UVRAG: variants seen among roughly 807,000 people sequenced by gnomAD.
The protein encoded by UVRAG is UV radiation resistance-associated gene protein.
Under a neutral mutation model 78.0 loss-of-function variants are expected in UVRAG, and 19 were observed. That is an observed-to-expected ratio of 0.24 (90% confidence interval 0.17 to 0.36). The LOEUF is 0.36. Ranked by LOEUF, UVRAG falls within the 10% of genes least tolerant of loss-of-function variation. The probability of loss-of-function intolerance (pLI) is 1.00; values close to 1 mark genes in which losing one functional copy is unlikely to be tolerated. For missense variants in UVRAG, 740 were observed against 853.8 expected (o/e 0.87, Z 1.66); for synonymous variants, 323 against 324.6 (o/e 1.00, Z 0.05).
intron 7 of UVRAG, among the ~76,000 whole-genome samples, chr11:75,982,257 C>T (rs1177843855): frequency 6.6e-6 from 1 of 152,182 alleles, no homozygotes; most frequent in African/African-American, 2.4e-5. Flanking sequence ...AGTCCAGATT[C>T]CCTATGCAGC....
rs113248243 is a variant in UVRAG at position 76,074,988 on chromosome 11, G to A, written c.1305+9200G>A. 7.1e-3 allele frequency among the ~76,000 whole-genome samples: 1,077 copies of A among 152,226 alleles called. 17 individuals are homozygous for A. The highest frequency in any genetic ancestry group is 0.025 in the African/African-American group (1,030 of 41,522). On this transcript the variant is annotated intron_variant, in intron 13 of 14. Coordinates refer to ENST00000356136, the MANE Select transcript of UVRAG (RefSeq NM_003369.4). Reference sequence around the variant, plus strand: ...GTTCTGCCAAGGACGTGATCCTTCTGTAAATCTTTACTCCTGGGGCCCACA... The same window carrying A: ...GTTCTGCCAAGGACGTGATCCTTCTATAAATCTTTACTCCTGGGGCCCACA...
At chr11:76,018,383 T>A (rs1950184130) in intron 12 of UVRAG, among the ~76,000 whole-genome samples, 1 of 152,046 alleles carries the variant, frequency 6.6e-6, no homozygotes, top group South Asian at 2.1e-4. Context: ...GTAATCCAAT[T>A]ATTTGGTTCC....
chr11:76,141,186 C>T lies in UVRAG; in HGVS notation c.1873C>T (p.Leu625Phe), dbSNP rs754283339. 3 of 1,614,032 alleles carry T rather than the reference C, an allele frequency of 1.9e-6. No homozygotes were observed. ...GEFHPVSEAE[L>F]CCTVEQAEEI... ...GTTCCACCCAGTCTCAGAAGCTGAGCTCTGCTGTACTGTGGAGCAAGCAGA... is the reference window on the plus strand; with the variant it reads ...GTTCCACCCAGTCTCAGAAGCTGAGTTCTGCTGTACTGTGGAGCAAGCAGA... Residue 625 changes from leucine (L) to phenylalanine (F), a missense_variant, in exon 15 of 15, where the codon CTC becomes TTC. Coordinates refer to ENST00000356136, the MANE Select transcript of UVRAG (RefSeq NM_003369.4).
intron 6 of UVRAG, among the ~76,000 whole-genome samples, chr11:75,922,938 G>GA (rs540693706): frequency 2.9e-3 from 193 of 66,902 alleles, no homozygotes; most frequent in South Asian, 5.4e-3. Flanking sequence ...CATCTGAAAG[G>GA]AAAAAAAAAA....
intron 12 of UVRAG, among the ~76,000 whole-genome samples, chr11:76,032,937 A>C (rs1950462922): frequency 6.6e-6 from 1 of 152,224 alleles, no homozygotes; most frequent in South Asian, 2.1e-4. Flanking sequence ...AATTAAACTT[A>C]CCTTCAAAGA....
chr11:75,961,236 G>GGCAA lies in UVRAG; in HGVS notation c.594-206_594-203dup, dbSNP rs201260746. On this transcript the variant is annotated intron_variant, in intron 6 of 14. Coordinates refer to ENST00000356136, the MANE Select transcript of UVRAG (RefSeq NM_003369.4). ...CCTCACAGTACATCAGAGGCAGGCA[G>GGCAA]GCAAGTACAAAAAGGGTGTTTTAGA... Among the ~76,000 whole-genome samples the GGCAA allele has an allele frequency of 7.2e-3, 1,097 of 152,080 alleles. 15 individuals are homozygous for GGCAA. Among genetic ancestry groups the GGCAA allele is most frequent in the South Asian group, 8.9e-3 (43 of 4,808 alleles).
chr11:75,824,205 T>A (rs2135807969), intron 1 of UVRAG, among the ~76,000 whole-genome samples: 1 of 152,256 alleles, frequency 6.6e-6, no homozygotes, highest in African/African-American at 2.4e-5. Context: ...AAATGTAATA[T>A]ATAGTTGAGT....
chr11:75,990,659 G>C (rs566183421), intron 8 of UVRAG, among the ~76,000 whole-genome samples: 1 of 152,196 alleles, frequency 6.6e-6, no homozygotes, highest in South Asian at 2.1e-4. Flanking sequence ...ACAGGCCTTT[G>C]CCTAAATGTT....
At chr11:75,948,141 A>T (rs1175265934) in intron 6 of UVRAG, among the ~76,000 whole-genome samples, 1 of 152,300 alleles carries the variant, frequency 6.6e-6, no homozygotes, top group Non-Finnish European at 1.5e-5. Flanking sequence ...GTGCTAGTAC[A>T]TGGTGGTTTT....
chr11:75,968,951 A>G (rs1355910593), intron 7 of UVRAG, among the ~76,000 whole-genome samples: 1 of 152,224 alleles, frequency 6.6e-6, no homozygotes, highest in Non-Finnish European at 1.5e-5. Context: ...CTTTCATAAT[A>G]AACAGCCTCA....
intron 5 of UVRAG, among the ~76,000 whole-genome samples, chr11:75,890,920 TTTGTTGTTG>T (rs141077139): frequency 6.6e-6 from 1 of 150,934 alleles, no homozygotes; most frequent in East Asian, 2.0e-4. Context: ...AAGAAAGGGT[TTTGTTGTTG>T]TTGTTGTTGT....
intron 2 of UVRAG, among the ~76,000 whole-genome samples, chr11:75,859,902 A>T (rs958339669): frequency 3.3e-5 from 5 of 152,194 alleles, no homozygotes; most frequent in Admixed American, 1.3e-4. Context: ...TCTGCTGGAG[A>T]AGGCGAATTG....
At chr11:76,021,136 C>T (rs1300404805) in intron 12 of UVRAG, among the ~76,000 whole-genome samples, 5 of 152,256 alleles carry the variant, frequency 3.3e-5, no homozygotes, top group South Asian at 2.1e-4. Flanking sequence ...TCTTTCCTAC[C>T]GTCTTCAATG....
chr11:75,883,188 G>A (rs1052699597), intron 4 of UVRAG, among the ~76,000 whole-genome samples: 1 of 151,954 alleles, frequency 6.6e-6, no homozygotes, highest in Non-Finnish European at 1.5e-5. Flanking sequence ...CAGGGCTCTA[G>A]GCCTGAAGGG....
At chr11:75,889,714 C>G (rs770311505) in intron 5 of UVRAG, among the ~76,000 whole-genome samples, 3 of 152,172 alleles carry the variant, frequency 2.0e-5, no homozygotes, top group Non-Finnish European at 4.4e-5. Flanking sequence ...GTATGTCAGC[C>G]ACTGTACTGT....
chr11:75,932,174 G>A (rs1283592420), intron 6 of UVRAG, among the ~76,000 whole-genome samples: 1 of 151,924 alleles, frequency 6.6e-6, no homozygotes, highest in Non-Finnish European at 1.5e-5. Context: ...ATTTATAACA[G>A]CCAAACAGTA....
At chr11:76,133,425 T>G (rs902712428) in intron 14 of UVRAG, among the ~76,000 whole-genome samples, 3 of 152,144 alleles carry the variant, frequency 2.0e-5, no homozygotes, top group African/African-American at 4.8e-5. Context: ...TTTCCCAATC[T>G]CTTTTCTGTA....
In UVRAG at chr11:76,140,694, T is replaced by G; in HGVS notation, c.1398-17T>G. On this transcript the variant is annotated splice_polypyrimidine_tract_variant and intron_variant, in intron 14 of 14. Coordinates refer to ENST00000356136, the MANE Select transcript of UVRAG (RefSeq NM_003369.4). ...TCTGAAGTCCAAAGTAACTTCTTGT[T>G]TTTGTTTCTCTTCTAGTGACAGACA... The G allele has an allele frequency of 1.3e-6, 2 of 1,543,242 alleles. No individual in the cohort carries two copies. Among genetic ancestry groups the G allele is most frequent in the Non-Finnish European group, 8.7e-7 (1 of 1,148,818 alleles).
chr11:76,136,314 GT>G (rs1325506078), intron 14 of UVRAG, among the ~76,000 whole-genome samples: 2 of 152,026 alleles, frequency 1.3e-5, no homozygotes, highest in Admixed American at 1.3e-4. Flanking sequence ...ACAGCAGTTT[GT>G]TTTTTAATAG....
Sources: gnomAD v4.1 joint callset for allele counts (sites outside exome capture counted in the v4.1 genomes callset) on GRCh38, gnomAD v4.1.1 for gene constraint, MANE v1.5 for transcripts, NCBI Gene and HGNC (gene_info 2026-07-23, HGNC 2026-07-21) for gene names.